The following CNGA1 variants were observed in gnomAD, a reference collection of about 807,000 sequenced individuals.
CNGA1 encodes the protein cyclic nucleotide-gated channel alpha-1.
Under a neutral mutation model 69.7 loss-of-function variants are expected in CNGA1, and 53 were observed. The observed-to-expected ratio is 0.76, with a 90% CI of 0.61 to 0.96. The LOEUF is 0.96. CNGA1 is among the 40% of genes least tolerant of loss of function. The pLI is 0.00. For missense variants in CNGA1, 739 were observed against 811.2 expected, an observed-to-expected ratio of 0.91 and a Z score of 1.08; for synonymous variants, 249 against 283.5, an observed-to-expected ratio of 0.88 and a Z score of 1.22.
At chr4:47,943,014 C>T (rs887335740) in intron 8 of CNGA1, 167 bp downstream of exon 8, 1 of 562,272 alleles carries the variant, frequency 1.8e-6, no homozygotes, top group African/African-American at 1.9e-5. Context: ...TAATTCACTT[C>T]TGATAATTTA....
chr4:48,014,947 C>T (rs930866560), intron 1 of CNGA1, among the ~76,000 whole-genome samples: 11 of 151,860 alleles, frequency 7.2e-5, no homozygotes, highest in African/African-American at 1.2e-4. Flanking sequence ...CCGAGGTAGG[C>T]GGATCACGAG....
At chr4:47,966,119 G>A (rs1322812863) in intron 3 of CNGA1, among the ~76,000 whole-genome samples, 8 of 152,162 alleles carry the variant, frequency 5.3e-5, no homozygotes, top group African/African-American at 1.9e-4. Flanking sequence ...CCAAAGCAAT[G>A]GTTGAGAAAA....
At chr4:48,014,169 A>AT (rs1321576843) in intron 1 of CNGA1, among the ~76,000 whole-genome samples, 5 of 152,104 alleles carry the variant, frequency 3.3e-5, no homozygotes, top group Admixed American at 1.3e-4. Context: ...CTAGTTGGAG[A>AT]TTTTTTTAAT....
intron 3 of CNGA1, among the ~76,000 whole-genome samples, chr4:47,967,913 G>T (rs963260399): frequency 1.3e-5 from 2 of 152,130 alleles, no homozygotes; most frequent in African/African-American, 4.8e-5. Flanking sequence ...GGGAGGTGGA[G>T]GTTGCAGTGA....
chr4:47,966,971 C>T (rs1740756060), intron 3 of CNGA1, among the ~76,000 whole-genome samples: 1 of 152,090 alleles, frequency 6.6e-6, no homozygotes, highest in Non-Finnish European at 1.5e-5. Flanking sequence ...TAGAAGGGAA[C>T]TTCCTCAACC....
intron 1 of CNGA1, among the ~76,000 whole-genome samples, chr4:48,015,645 T>C (rs1715346006): frequency 6.6e-6 from 1 of 152,026 alleles, no homozygotes; most frequent in Non-Finnish European, 1.5e-5. Context: ...CTCTGTTGCC[T>C]GGACTAGAGT....
intron 3 of CNGA1, among the ~76,000 whole-genome samples, chr4:47,972,790 T>C (rs1560298986): frequency 6.6e-6 from 1 of 152,228 alleles, no homozygotes; most frequent in Non-Finnish European, 1.5e-5. Flanking sequence ...CAAGTAACTA[T>C]GTACCTCTGA....
In CNGA1 at chr4:47,936,658, G is replaced by T. The variant is rs1482170065; in HGVS notation, c.1824C>A (p.Asn608Lys). 1 of 1,614,022 alleles carries T rather than the reference G, an allele frequency of 6.2e-7. No individual in the cohort carries two copies. Among genetic ancestry groups the T allele is most frequent in the Admixed American group, 1.7e-5 (1 of 60,008 alleles). Residue 608 changes from asparagine to lysine, a missense_variant, in exon 11 of 11, where the codon AAC becomes AAA. Coordinates refer to ENST00000514170, the MANE Select transcript of CNGA1 (RefSeq NM_001379270.1). The part of the protein sequence containing the change: ...ILMKDGLLDL[N>K]IANAGSDPKD... ...TAGGATCACTGCCAGCATTTGCAAT[G>T]TTTAGATCCAGTAGACCATCTTTCA...
chr4:47,936,429 A>G lies in CNGA1; in HGVS notation c.2053T>C (p.Ser685Pro). The change falls in exon 11 of 11, where the codon TCT becomes CCT. Residue 685 changes from serine (S) to proline (P), a missense_variant. Coordinates refer to ENST00000514170, the MANE Select transcript of CNGA1 (RefSeq NM_001379270.1). ...GPGAESGPID[S>P]T Reference sequence around the variant, plus strand: ...TGACCAGCTTTTCGGTTCTATGTAGAGTCGATGGGCCCACTTTCCGCTCCA... The same window carrying G: ...TGACCAGCTTTTCGGTTCTATGTAGGGTCGATGGGCCCACTTTCCGCTCCA... The G allele has an allele frequency of 6.2e-7, 1 of 1,614,152 alleles. No individual in the cohort carries two copies. Among genetic ancestry groups the G allele is most frequent in the Non-Finnish European group, 8.5e-7 (1 of 1,180,006 alleles).
chr4:47,998,532 T>TG (rs1714504091), intron 2 of CNGA1, among the ~76,000 whole-genome samples: 1 of 152,136 alleles, frequency 6.6e-6, no homozygotes. Flanking sequence ...CCCAGCACTT[T>TG]GGTAGGCTGA....
chr4:47,995,006 G>A (rs1019964317), intron 2 of CNGA1, among the ~76,000 whole-genome samples: 1 of 151,954 alleles, frequency 6.6e-6, no homozygotes, highest in Non-Finnish European at 1.5e-5. Flanking sequence ...AAGATAGATA[G>A]AATCCCTTCT....
At chr4:47,988,793 T>C (rs1742105173) in intron 2 of CNGA1, among the ~76,000 whole-genome samples, 1 of 152,130 alleles carries the variant, frequency 6.6e-6, no homozygotes, top group African/African-American at 2.4e-5. Context: ...TTAGTACCTA[T>C]TAACTCTTCC....
chr4:47,994,164 G>A (rs555248328), intron 2 of CNGA1, among the ~76,000 whole-genome samples: 2 of 152,206 alleles, frequency 1.3e-5, no homozygotes, highest in Admixed American at 1.3e-4. Context: ...TTGTTGGAAG[G>A]AATGTTCTGT....
intron 6 of CNGA1, among the ~76,000 whole-genome samples, chr4:47,946,891 C>T (rs188842399): frequency 3.9e-5 from 6 of 152,216 alleles, no homozygotes; most frequent in Admixed American, 2.6e-4. Flanking sequence ...TCAAGTGATT[C>T]CCCTGCCTCA....
intron 2 of CNGA1, among the ~76,000 whole-genome samples, chr4:47,993,384 G>T (rs1742358403): frequency 6.6e-6 from 1 of 151,998 alleles, no homozygotes; most frequent in South Asian, 2.1e-4. Context: ...GGTCTGTTCA[G>T]GTTATCTAAT....
intron 3 of CNGA1, among the ~76,000 whole-genome samples, chr4:47,978,249 GTACTT>G (rs1172944088): frequency 1.3e-5 from 2 of 152,002 alleles, no homozygotes; most frequent in African/African-American, 2.4e-5. Context: ...CTCTCACAAC[GTACTT>G]TAAAGAGATT....
rs768123452 is a variant in CNGA1 at position 47,936,566 on chromosome 4, C to A, written c.1916G>T (p.Arg639Leu). The stretch of plus-strand genomic sequence containing the variant: ...CATGGACTCATACTCAGCCAAGATT[C>A]GGGCAAACCTGGTTTGCAGGAGGTC... ...SVDLLQTRFA[R>L]ILAEYESMQQ... Residue 639 changes from arginine (R) to leucine (L), a missense_variant, in exon 11 of 11, where the codon CGA becomes CTA. Coordinates refer to ENST00000514170, the MANE Select transcript of CNGA1 (RefSeq NM_001379270.1). The A allele has an allele frequency of 4.3e-6, 7 of 1,614,196 alleles. No individual in the cohort carries two copies. The South Asian group carries it at 7.7e-5, about 18-fold the overall frequency.
chr4:48,000,332 A>G (rs1161824574), intron 2 of CNGA1, among the ~76,000 whole-genome samples: 9 of 152,108 alleles, frequency 5.9e-5, no homozygotes, highest in Admixed American at 5.9e-4. Flanking sequence ...AACAAATAAA[A>G]TCACTTCAAA....
At chr4:47,966,035 T>A (rs1740707608) in intron 3 of CNGA1, among the ~76,000 whole-genome samples, 1 of 152,230 alleles carries the variant, frequency 6.6e-6, no homozygotes, top group Non-Finnish European at 1.5e-5. Context: ...AAAGCAAGAT[T>A]CAGCTCTCAT....
Sources: allele counts gnomAD v4.1 joint callset (sites outside exome capture counted in the v4.1 genomes callset), GRCh38; gene constraint gnomAD v4.1.1; transcripts MANE v1.5; gene names NCBI Gene and HGNC (gene_info 2026-07-23, HGNC 2026-07-21).